The following TTN variants were observed in gnomAD, a reference collection of about 807,000 sequenced individuals.
The protein encoded by TTN is connectin.
TTN carries 1,525 observed loss-of-function variants against 3,223.0 expected under a neutral mutation model. The ratio of observed to expected loss-of-function variants is 0.47; its 90% CI spans 0.45 to 0.49. The LOEUF (loss-of-function observed/expected upper bound fraction) is 0.49, where lower values mean the gene tolerates loss of function less well. Among genes scored for constraint, TTN ranks in the 20% least tolerant of loss-of-function variants. The probability of loss-of-function intolerance (pLI) is 0.00; values close to 1 mark genes in which losing one functional copy is unlikely to be tolerated. For synonymous variants in TTN, 14,094 were observed against 15,161.0 expected, an observed-to-expected ratio of 0.93 and a Z score of 5.17; for missense variants, 40,786 against 43,424.0, an observed-to-expected ratio of 0.94 and a Z score of 5.40.
chr2:178,595,836 G>A, intron 294 of TTN, 27 bp from the exon 295 acceptor site: 1 of 1,555,534 alleles, frequency 6.4e-7, no homozygotes, highest in Non-Finnish European at 8.7e-7. Flanking sequence ...AATAATTCAA[G>A]CTGTTTGCCT....
chr2:178,709,900 G>C, intron 98 of TTN, 44 bp from the exon 99 acceptor site: 1 of 1,543,336 alleles, frequency 6.5e-7, no homozygotes, highest in Non-Finnish European at 8.7e-7. Context: ...GCTAGAAGCA[G>C]ATTACTAATA....
In TTN at chr2:178,678,341, G is replaced by A. The variant is rs545771562; in HGVS notation, c.33910+73C>T. The stretch of plus-strand genomic sequence containing the variant: ...CACTTTAAAAATGTACAATGTAATG[G>A]GGAAATTTGTATGTGAGTATACATA... On this transcript the variant is annotated intron_variant, in intron 144 of 362. Transcript: ENST00000589042. 4.7e-6 allele frequency: 7 copies of A among 1,498,706 alleles called. No homozygotes were observed. The Admixed American group carries it at 1.5e-4, about 32-fold the overall frequency. The allele number at this position is 1,498,706 out of a possible 1,614,324, so 92.8% of individuals were successfully genotyped here.
At chr2:178,719,054 G>T (rs1265759348) in intron 83 of TTN, 81 bp from the exon 84 acceptor site, 4 of 1,521,250 alleles carry the variant, frequency 2.6e-6, no homozygotes, top group Admixed American at 4.6e-5. Context: ...TAAAAAAAGG[G>T]AGCTAAGACT....
chr2:178,756,583 C>T lies in TTN; in HGVS notation c.10893G>A (p.Gln3631=). Residue 3631 remains glutamine, a synonymous_variant, in exon 46 of 363, where the codon CAG becomes CAA. Coordinates refer to ENST00000589042, the MANE Select transcript of TTN (RefSeq NM_001267550.2). The part of the protein sequence containing the change: ...IHTAASVQDT[Q]LCHTASLSQI... Reference sequence around the variant, plus strand: ...GTGAAAGGGATGCAGTATGGCACAACTGTGTATCTTGAACAGATGCAGCTG... The same window carrying T: ...GTGAAAGGGATGCAGTATGGCACAATTGTGTATCTTGAACAGATGCAGCTG... 1 of 1,612,412 alleles carries T rather than the reference C, an allele frequency of 6.2e-7. No individual in the cohort carries two copies. Among genetic ancestry groups the T allele is most frequent in the Non-Finnish European group, 8.5e-7 (1 of 1,178,962 alleles).
rs756029638 is a variant in TTN at position 178,729,167 on chromosome 2, G to T, written c.18871C>A (p.Pro6291Thr). 5.7e-6 allele frequency: 9 copies of T among 1,575,034 alleles called. No individual in the cohort carries two copies. Among genetic ancestry groups the T allele is most frequent in the Non-Finnish European group, 7.7e-6 (9 of 1,161,612 alleles). Residue 6291 changes from proline (P) to threonine (T), a missense_variant and splice_region_variant, in exon 65 of 363, where the codon CCA becomes ACA. Physicochemically the swap from Pro to Thr is conservative, Grantham distance 38 (BLOSUM62 -1). Coordinates refer to ENST00000589042, the MANE Select transcript of TTN (RefSeq NM_001267550.2). The stretch of plus-strand genomic sequence containing the variant: ...TCTATCTTCTTAATGAATGATGGTG[G>T]TTCTGTGATTAAATAAGAGAGTGTG... ...SCSTRVALKE[P>T]PSFIKKIENT...
In TTN at chr2:178,621,916, T is replaced by C. The variant is rs774010534; in HGVS notation, c.45006A>G (p.Lys15002=). 6.2e-6 allele frequency: 10 copies of C among 1,612,038 alleles called. No homozygotes were observed. The highest frequency in any genetic ancestry group is 1.7e-5 in the Admixed American group (1 of 59,798). Residue 15002 remains lysine (K), a synonymous_variant, in exon 244 of 363, where the codon AAA becomes AAG. Coordinates refer to ENST00000589042, the MANE Select transcript of TTN (RefSeq NM_001267550.2). ...ATTCAGCTTCATCATCCAGTAGACATTTGTTGATGACAAGAATGCGCACTG... is the reference window on the plus strand; with the variant it reads ...ATTCAGCTTCATCATCCAGTAGACACTTGTTGATGACAAGAATGCGCACTG... ...KGAVRILVIN[K]CLLDDEAEYS... is the part of the protein sequence containing the mutation.
intron 12 of TTN, 107 bp from the exon 13 acceptor site, chr2:178,789,604 A>T (rs1335415491): frequency 2.8e-6 from 4 of 1,416,424 alleles, no homozygotes; most frequent in Non-Finnish European, 3.9e-6. Flanking sequence ...ATTCAGGGTT[A>T]AATACACAAG....
At chr2:178,691,916 G>T in intron 121 of TTN, 100 bp downstream of exon 121, 1 of 929,268 alleles carries the variant, frequency 1.1e-6, no homozygotes, top group Non-Finnish European at 1.6e-6. Context: ...GAATGTAAAA[G>T]AGACAAAAGA....
rs776972037 is a variant in TTN, at chr2:178,777,408, A to G, written c.4645+12T>C. 8.1e-6 allele frequency: 13 copies of G among 1,612,334 alleles called. No homozygotes were observed. In the African/African-American group the frequency reaches 1.6e-4, roughly 20 times the overall value. On this transcript the variant is annotated intron_variant, in intron 26 of 362. Transcript: ENST00000589042. The stretch of plus-strand genomic sequence containing the variant: ...AAGAAAATTCATTTATTTTTATTTT[A>G]TCTCATTTTACCTTCCACAGTTAAA...
At chr2:178,559,004 C>CTA (rs921549365) in intron 326 of TTN, 10 of 296,762 alleles carry the variant, frequency 3.4e-5, no homozygotes, top group Non-Finnish European at 5.5e-5. Context: ...TACACACATA[C>CTA]TATATATATA....
chr2:178,745,442 A>G lies in TTN; in HGVS notation c.11312-3521T>C, dbSNP rs2083307763. On this transcript the variant is annotated intron_variant, in intron 47 of 362. Transcript: ENST00000589042. Reference sequence around the variant, plus strand: ...TTACAAAGATGAGATTTCTACATAGAGATTATTTCTTTAGGGGTCTCCAAG... The same window carrying G: ...TTACAAAGATGAGATTTCTACATAGGGATTATTTCTTTAGGGGTCTCCAAG... 42 of 1,465,410 alleles carry G rather than the reference A, an allele frequency of 2.9e-5. 1 individual carries two copies. In the South Asian group the frequency reaches 5.4e-4, roughly 19 times the overall value. 90.8% of individuals were successfully genotyped at this position (1,465,410 alleles called of 1,614,324 possible).
chr2:178,713,657 T>G, intron 92 of TTN: 1 of 712,782 alleles, frequency 1.4e-6, no homozygotes, highest in Non-Finnish European at 2.2e-6. Context: ...GCTTTAACCT[T>G]ATCCAGGGAC....
At chr2:178,639,912 A>C in intron 222 of TTN, 124 bp from the exon 223 acceptor site, 1 of 1,423,262 alleles carries the variant, frequency 7.0e-7, no homozygotes, top group Non-Finnish European at 9.6e-7. Context: ...TTAAGAGAAT[A>C]GTATATTAAG....
chr2:178,715,133 T>G lies in TTN; in HGVS notation c.26053A>C (p.Ser8685Arg), dbSNP rs878932254. Reference sequence around the variant, plus strand: ...GACATTATCTTGTACTTCTTGCCGCTCCTAAGTTCTCTCTTGTCTTTATAC... The same window carrying G: ...GACATTATCTTGTACTTCTTGCCGCGCCTAAGTTCTCTCTTGTCTTTATAC... ...SWYKDKRELR[S>R]GKKYKIMSEN... The change falls in exon 90 of 363, where the codon AGC becomes CGC. Residue 8685 changes from serine (S) to arginine (R), a missense_variant. By Grantham distance (110) the Ser-to-Arg change is moderately radical. Coordinates refer to ENST00000589042, the MANE Select transcript of TTN (RefSeq NM_001267550.2). The G allele has an allele frequency of 3.1e-6, 5 of 1,613,746 alleles. No homozygotes were observed. The highest frequency in any genetic ancestry group is 4.2e-6 in the Non-Finnish European group (5 of 1,179,716).
rs2060986117 is a variant in TTN, at chr2:178,639,807, T to TA, written c.40787-20_40787-19insT. On this transcript the variant is annotated intron_variant, in intron 222 of 362. Coordinates refer to ENST00000589042, the MANE Select transcript of TTN (RefSeq NM_001267550.2). ...TTCACTTCTGTAGAGAGAAGTCCATTGCATTAGTGTATCAATTTGTCACTT... is the reference window on the plus strand; with the variant it reads ...TTCACTTCTGTAGAGAGAAGTCCATTAGCATTAGTGTATCAATTTGTCACTT... 1 of 1,551,816 alleles carries TA rather than the reference T, an allele frequency of 6.4e-7. No individual in the cohort carries two copies. Among genetic ancestry groups the TA allele is most frequent in the Admixed American group, 2.1e-5 (1 of 46,812 alleles).
Position 178,736,032 on chromosome 2 carries a change from G to T in TTN, c.14414C>A (p.Thr4805Lys). ...PTFLSRPKSL[T>K]TFVGKAAKFI... is the part of the protein sequence containing the mutation. The stretch of plus-strand genomic sequence containing the variant: ...CTTGGCTGCCTTACCCACAAAAGTT[G>T]TAAGGGACTTAGGTCTGGAGAGAAA... The change falls in exon 50 of 363, where the codon ACA becomes AAA. Residue 4805 changes from threonine to lysine, a missense_variant. Coordinates refer to ENST00000589042, the MANE Select transcript of TTN (RefSeq NM_001267550.2). The T allele has an allele frequency of 6.2e-7, 1 of 1,610,418 alleles. No individual in the cohort carries two copies. The highest frequency in any genetic ancestry group is 8.5e-7 in the Non-Finnish European group (1 of 1,177,884).
At position 178,621,462 on chromosome 2, in the gene TTN, G is replaced by C. The variant is rs1576561130; in HGVS notation, c.45349+13C>G. ...TGTTAGAAATAAAAGATTATTCACT[G>C]TAGTTTTCATACCATGTACTTTGAC... On this transcript the variant is annotated intron_variant, in intron 245 of 362. Transcript: ENST00000589042. The C allele has an allele frequency of 6.2e-7, 1 of 1,610,328 alleles. No individual in the cohort carries two copies. The highest frequency in any genetic ancestry group is 8.5e-7 in the Non-Finnish European group (1 of 1,178,520).
In TTN at chr2:178,576,950, C is replaced by T. The variant is rs1394354671; in HGVS notation, c.69385G>A (p.Glu23129Lys). Residue 23129 changes from glutamate (E) to lysine (K), a missense_variant, in exon 324 of 363, where the codon GAA (glutamate) becomes AAA (lysine). Transcript: ENST00000589042. The surrounding 1 kb of genome is among the most constrained non-coding windows in gnomAD (Gnocchi z 4.3). ...HYGKGEPVQS[E>K]PVKMVDRFGP... ...AATCTGTCTACCATTTTGACAGGTT[C>T]AGACTGTACAGGTTCTCCTTTGCCA... is the stretch of plus-strand genomic sequence containing the variant. 6.2e-7 allele frequency: 1 copy of T among 1,613,258 alleles called. No homozygotes were observed. Among genetic ancestry groups the T allele is most frequent in the South Asian group, 1.1e-5 (1 of 91,016 alleles).
At position 178,576,500 on chromosome 2, in the gene TTN, G is replaced by A. The variant is rs1440703682; in HGVS notation, c.69715+29C>T. ...AGATAAAATATTGGCACTCTGGAAT[G>A]AACGGTGTTGAAAAAGACAAATACT... is the stretch of plus-strand genomic sequence containing the variant. On this transcript the variant is annotated intron_variant, in intron 325 of 362. Coordinates refer to ENST00000589042, the MANE Select transcript of TTN (RefSeq NM_001267550.2). The surrounding 1 kb of genome is among the most constrained non-coding windows in gnomAD (Gnocchi z 4.3). 1 of 1,607,852 alleles carries A rather than the reference G, an allele frequency of 6.2e-7. No individual in the cohort carries two copies. The highest frequency in any genetic ancestry group is 8.5e-7 in the Non-Finnish European group (1 of 1,178,300).
Sources: allele counts gnomAD v4.1 joint callset, GRCh38; gene constraint gnomAD v4.1.1; non-coding constraint Gnocchi (gnomAD v3.1); transcripts MANE v1.5; gene names NCBI Gene and HGNC (gene_info 2026-07-23, HGNC 2026-07-21).